Variants in ADAMTS2 observed in about 807,000 individuals in gnomAD.
ADAMTS2 encodes ADAM metallopeptidase with thrombospondin type 1 motif 2, also known as A disintegrin and metalloproteinase with thrombospondin motifs 2.
In ADAMTS2, 50 loss-of-function variants were observed where a neutral mutation model predicts 123.0. The observed-to-expected ratio is 0.41, with a 90% confidence interval of 0.32 to 0.51. The LOEUF is 0.51. Among genes scored for constraint, ADAMTS2 ranks in the 20% least tolerant of loss-of-function variants. The probability of loss-of-function intolerance (pLI) is 0.35; values close to 1 mark genes in which losing one functional copy is unlikely to be tolerated. For synonymous variants in ADAMTS2, 678 were observed against 695.4 expected (o/e 0.98, Z 0.39); for missense variants, 1,494 against 1,705.2 (o/e 0.88, Z 2.18).
At chr5:179,124,136 G>A (rs929948528) in intron 19 of ADAMTS2, among the ~76,000 whole-genome samples, 3 of 152,106 alleles carry the variant, frequency 2.0e-5, no homozygotes, top group East Asian at 3.9e-4. Context: ...TCCTTTCACC[G>A]TAAGCCCCTG....
chr5:179,129,860 T>G lies in ADAMTS2; in HGVS notation c.2457+72A>C. The G allele has an allele frequency of 6.3e-7, 1 of 1,594,942 alleles. No individual in the cohort carries two copies. Among genetic ancestry groups the G allele is most frequent in the Non-Finnish European group, 8.6e-7 (1 of 1,169,426 alleles). On this transcript the variant is annotated intron_variant, in intron 16 of 21. Coordinates refer to ENST00000251582, the MANE Select transcript of ADAMTS2 (RefSeq NM_014244.5). This position sits in a 1 kb window ranked among gnomAD's most constrained non-coding sequence, Gnocchi z 4.1. ...ACCTGAAGGGTCAGGAGGCTCAGCGTCCCAGGCACCCCCATCCCTCCCCCA... is the reference window on the plus strand; with the variant it reads ...ACCTGAAGGGTCAGGAGGCTCAGCGGCCCAGGCACCCCCATCCCTCCCCCA...
chr5:179,131,642 G>A (rs1481002645), intron 15 of ADAMTS2, among the ~76,000 whole-genome samples: 3 of 152,186 alleles, frequency 2.0e-5, no homozygotes, highest in Non-Finnish European at 2.9e-5. Flanking sequence ...GACAGGTCCT[G>A]AGAGCCTCCC....
rs1318048110 is a variant in ADAMTS2 at position 179,118,604 on chromosome 5, A to T, written c.3178+3057T>A. Reference sequence around the variant, plus strand: ...CCTTTTTACACTTAAAATTTGTTTTAGAAGACCTTATACTATTACCACTCA... The same window carrying T: ...CCTTTTTACACTTAAAATTTGTTTTTGAAGACCTTATACTATTACCACTCA... On this transcript the variant is annotated intron_variant, in intron 21 of 21. Transcript: ENST00000251582. The surrounding 1 kb of genome is among the most constrained non-coding windows in gnomAD (Gnocchi z 4.5). 3.3e-5 allele frequency among the ~76,000 whole-genome samples: 5 copies of T among 152,234 alleles called. No individual in the cohort carries two copies. Among genetic ancestry groups the T allele is most frequent in the Non-Finnish European group, 1.5e-5 (1 of 68,042 alleles).
chr5:179,280,387 T>C (rs1766857934), intron 2 of ADAMTS2, among the ~76,000 whole-genome samples: 1 of 152,158 alleles, frequency 6.6e-6, no homozygotes, highest in Non-Finnish European at 1.5e-5. Flanking sequence ...TCCTGCCCCC[T>C]TGCAGGCCCC....
rs1206202416 is a variant in ADAMTS2 at position 179,285,586 on chromosome 5, G to C, written c.535-12522C>G. On this transcript the variant is annotated intron_variant, in intron 2 of 21. Transcript: ENST00000251582. The surrounding 1 kb of genome is among the most constrained non-coding windows in gnomAD (Gnocchi z 4.9). ...CACAGAGGTCAGTGGGTCAGACCCA[G>C]ACTCTGGGACTGCAACAGGCCTGCC... Among the ~76,000 whole-genome samples, 1 of 152,206 alleles carries C rather than the reference G, an allele frequency of 6.6e-6. No homozygotes were observed. The highest frequency in any genetic ancestry group is 1.5e-5 in the Non-Finnish European group (1 of 68,040).
intron 2 of ADAMTS2, among the ~76,000 whole-genome samples, chr5:179,286,526 C>T (rs1756025735): frequency 6.6e-6 from 1 of 152,062 alleles, no homozygotes; most frequent in African/African-American, 2.4e-5. Context: ...AGGGGACCCA[C>T]CCTGGAGAGC....
intron 2 of ADAMTS2, 37 bp from the exon 3 acceptor site, chr5:179,273,101 C>G: frequency 6.2e-7 from 1 of 1,613,132 alleles, no homozygotes; most frequent in Non-Finnish European, 8.5e-7. Context: ...ATTTCCAGCA[C>G]ACAAAAGACC....
intron 3 of ADAMTS2, among the ~76,000 whole-genome samples, chr5:179,209,774 G>A (rs994389554): frequency 1.2e-4 from 18 of 152,194 alleles, no homozygotes; most frequent in Admixed American, 1.1e-3. Flanking sequence ...CCTGACAGGG[G>A]GGTTGAGGAA....
chr5:179,220,149 G>A (rs1263938775), intron 3 of ADAMTS2, among the ~76,000 whole-genome samples: 1 of 152,252 alleles, frequency 6.6e-6, no homozygotes, highest in African/African-American at 2.4e-5. Context: ...CAAGTGGTGG[G>A]GGCCGATGGA....
intron 2 of ADAMTS2, among the ~76,000 whole-genome samples, chr5:179,310,154 G>A (rs1415778971): frequency 2.0e-5 from 3 of 152,248 alleles, no homozygotes; most frequent in African/African-American, 7.2e-5. Flanking sequence ...CTCCCTGCAC[G>A]TCCCATGTCC....
At chr5:179,287,839 C>T (rs1303475572) in intron 2 of ADAMTS2, among the ~76,000 whole-genome samples, 3 of 152,206 alleles carry the variant, frequency 2.0e-5, no homozygotes, top group Admixed American at 6.5e-5. Context: ...CACTACCCGA[C>T]GGACGTCCCC....
chr5:179,245,765 CAAAAAAAA>C (rs1171837041), intron 3 of ADAMTS2, among the ~76,000 whole-genome samples: 14 of 17,200 alleles, frequency 8.1e-4, no homozygotes, highest in Admixed American at 7.3e-3. Context: ...GACTCCGTCT[CAAAAAAAA>C]AAAAAAAAAA....
In ADAMTS2 at chr5:179,272,715, G is replaced by GGCCCCA. The variant is rs1766572259; in HGVS notation, c.688+190_688+195dup. Among the ~76,000 whole-genome samples, 1 of 152,198 alleles carries GGCCCCA rather than the reference G, an allele frequency of 6.6e-6. No homozygotes were observed. On this transcript the variant is annotated intron_variant, in intron 3 of 21. Coordinates refer to ENST00000251582, the MANE Select transcript of ADAMTS2 (RefSeq NM_014244.5). The surrounding 1 kb of genome is among the most constrained non-coding windows in gnomAD (Gnocchi z 5.8). The stretch of plus-strand genomic sequence containing the variant: ...GTCACCCACATGCACCCAGAACAGA[G>GGCCCCA]GCCCCAGCCCCAGCAGCCCTGCTAC...
intron 12 of ADAMTS2, among the ~76,000 whole-genome samples, chr5:179,137,261 C>A (rs892951037): frequency 6.6e-6 from 1 of 152,260 alleles, no homozygotes; most frequent in Non-Finnish European, 1.5e-5. Context: ...GGGTCCCCAG[C>A]TGCCACACAA....
intron 3 of ADAMTS2, among the ~76,000 whole-genome samples, chr5:179,270,288 G>T (rs1766495347): frequency 6.6e-6 from 1 of 152,104 alleles, no homozygotes. Flanking sequence ...ACGCTGCAGG[G>T]ATATCCTGCC....
chr5:179,275,296 G>A (rs1276829279), intron 2 of ADAMTS2, among the ~76,000 whole-genome samples: 2 of 152,120 alleles, frequency 1.3e-5, no homozygotes, highest in Non-Finnish European at 2.9e-5. Flanking sequence ...AGGACGAGTG[G>A]CAGGTATGAA....
chr5:179,205,783 T>TATTA (rs1764671627), intron 4 of ADAMTS2, among the ~76,000 whole-genome samples: 1 of 150,822 alleles, frequency 6.6e-6, no homozygotes, highest in African/African-American at 2.4e-5. Flanking sequence ...TTATTATTAT[T>TATTA]ATTTTTGAGA....
chr5:179,327,524 G>A (rs561592862), intron 2 of ADAMTS2, among the ~76,000 whole-genome samples: 2 of 152,322 alleles, frequency 1.3e-5, no homozygotes, highest in South Asian at 4.1e-4. Context: ...GACTGAGAGA[G>A]CCTCCTTGAC....
chr5:179,251,707 A>C (rs1370381207), intron 3 of ADAMTS2, among the ~76,000 whole-genome samples: 1 of 152,198 alleles, frequency 6.6e-6, no homozygotes, highest in Non-Finnish European at 1.5e-5. Context: ...AGTAATGAAC[A>C]TATATGTACA....
Sources: allele counts gnomAD v4.1 joint callset (sites outside exome capture counted in the v4.1 genomes callset), GRCh38; gene constraint gnomAD v4.1.1; non-coding constraint Gnocchi (gnomAD v3.1); transcripts MANE v1.5; gene names NCBI Gene and HGNC (gene_info 2026-07-23, HGNC 2026-07-21).